TRPC6: variants seen among roughly 807,000 people sequenced by gnomAD.
TRPC6 encodes transient receptor potential cation channel subfamily C member 6, also known as short transient receptor potential channel 6.
A neutral mutation model predicts 90.7 loss-of-function variants in TRPC6; 55 were observed. The ratio of observed to expected loss-of-function variants is 0.61; its 90% CI spans 0.49 to 0.76. TRPC6 has a LOEUF of 0.76. Among genes scored for constraint, TRPC6 ranks in the 30% least tolerant of loss-of-function variants. The pLI is 0.00. For missense variants in TRPC6, 989 were observed against 1,122.7 expected (o/e 0.88, Z 1.70); for synonymous variants, 393 against 393.0 (o/e 1.00, Z 0.00).
intron 10 of TRPC6, among the ~76,000 whole-genome samples, chr11:101,466,975 G>GA (rs34792191): frequency 0.31 from 46,906 of 151,980 alleles, 9,426 homozygotes; most frequent in African/African-American, 0.57. Flanking sequence ...GGGTGGGGGA[G>GA]AAATTCCCCA....
intron 1 of TRPC6, among the ~76,000 whole-genome samples, chr11:101,552,886 T>A (rs10791500): frequency 0.13 from 19,172 of 152,096 alleles, 1,885 homozygotes; most frequent in East Asian, 0.54. Context: ...ACTGTCAAAC[T>A]TTATCCAGTG....
chr11:101,537,384 TA>T (rs1467239728), intron 1 of TRPC6, among the ~76,000 whole-genome samples: 3 of 152,178 alleles, frequency 2.0e-5, no homozygotes, highest in Admixed American at 6.5e-5. Flanking sequence ...AGAATGGGTT[TA>T]TTTTTTTTCT....
intron 1 of TRPC6, among the ~76,000 whole-genome samples, chr11:101,527,031 A>G (rs1434216613): frequency 6.6e-6 from 1 of 152,148 alleles, no homozygotes; most frequent in African/African-American, 2.4e-5. Flanking sequence ...ACAATTTCAA[A>G]AAATATTATA....
At chr11:101,569,639 G>A (rs575612398) in intron 1 of TRPC6, among the ~76,000 whole-genome samples, 4 of 152,206 alleles carry the variant, frequency 2.6e-5, no homozygotes, top group Non-Finnish European at 5.9e-5. Flanking sequence ...CTCAGCAAAT[G>A]CAAAAGAATG....
chr11:101,493,964 C>T (rs1191267375), intron 2 of TRPC6, among the ~76,000 whole-genome samples: 2 of 152,138 alleles, frequency 1.3e-5, no homozygotes, highest in South Asian at 2.1e-4. Context: ...TGCTAAACTG[C>T]AGGTCCAAAA....
chr11:101,500,367 C>T (rs1252262769), intron 2 of TRPC6, among the ~76,000 whole-genome samples: 1 of 151,846 alleles, frequency 6.6e-6, no homozygotes, highest in Admixed American at 6.6e-5. Flanking sequence ...TGCCATCATG[C>T]CCAGCTAATT....
At chr11:101,493,892 C>A (rs1317180258) in intron 2 of TRPC6, among the ~76,000 whole-genome samples, 1 of 152,150 alleles carries the variant, frequency 6.6e-6, no homozygotes, top group Non-Finnish European at 1.5e-5. Flanking sequence ...GGGCTCCTTT[C>A]TGTAAATTAT....
intron 10 of TRPC6, among the ~76,000 whole-genome samples, chr11:101,459,234 A>T (rs1023788976): frequency 1.3e-5 from 2 of 152,120 alleles, no homozygotes; most frequent in Admixed American, 6.5e-5. Context: ...TACCTATGAG[A>T]GATAAAGGGA....
chr11:101,474,472 A>G (rs1231848531), intron 6 of TRPC6, among the ~76,000 whole-genome samples: 1 of 152,184 alleles, frequency 6.6e-6, no homozygotes, highest in Non-Finnish European at 1.5e-5. Flanking sequence ...GGGGAAAAAC[A>G]TAATTACAAA....
intron 4 of TRPC6, among the ~76,000 whole-genome samples, chr11:101,483,998 A>G: frequency 6.6e-6 from 1 of 152,184 alleles, no homozygotes; most frequent in East Asian, 1.9e-4. Context: ...TGAAATGAAC[A>G]AAACTTAAGC....
At chr11:101,477,920 A>G (rs972495636) in intron 5 of TRPC6, among the ~76,000 whole-genome samples, 1 of 152,208 alleles carries the variant, frequency 6.6e-6, no homozygotes, top group East Asian at 1.9e-4. Flanking sequence ...CTTTATCCCT[A>G]TTAAGATACT....
At chr11:101,553,182 C>G (rs932824203) in intron 1 of TRPC6, among the ~76,000 whole-genome samples, 7 of 152,058 alleles carry the variant, frequency 4.6e-5, no homozygotes, top group African/African-American at 1.7e-4. Flanking sequence ...CCTGAGCCAG[C>G]TCTGATAAAT....
chr11:101,486,150 T>C (rs1231386048), intron 4 of TRPC6, among the ~76,000 whole-genome samples: 1 of 152,136 alleles, frequency 6.6e-6, no homozygotes, highest in Non-Finnish European at 1.5e-5. Flanking sequence ...GAAACTAAAA[T>C]GGGCATGTTT....
At chr11:101,535,049 C>T (rs1427587671) in intron 1 of TRPC6, among the ~76,000 whole-genome samples, 1 of 152,026 alleles carries the variant, frequency 6.6e-6, no homozygotes, top group Non-Finnish European at 1.5e-5. Flanking sequence ...GCCTCTAATC[C>T]CAACTACTCA....
At chr11:101,507,292 TAA>T (rs1277462533) in intron 1 of TRPC6, among the ~76,000 whole-genome samples, 15 of 151,874 alleles carry the variant, frequency 9.9e-5, no homozygotes, top group African/African-American at 3.1e-4. Flanking sequence ...TCCATCAATA[TAA>T]GTCTTATTTT....
chr11:101,563,000 C>A (rs1028048649), intron 1 of TRPC6, among the ~76,000 whole-genome samples: 2 of 152,186 alleles, frequency 1.3e-5, no homozygotes, highest in African/African-American at 4.8e-5. Context: ...TGCCAGTAAT[C>A]TGGAAAACTA....
chr11:101,470,858 G>A (rs956206067), intron 9 of TRPC6, among the ~76,000 whole-genome samples: 1 of 135,660 alleles, frequency 7.4e-6, no homozygotes, highest in Non-Finnish European at 1.5e-5. Flanking sequence ...TTACTGGGCT[G>A]TATAAATTGT....
At position 101,519,173 on chromosome 11, in the gene TRPC6, A is replaced by T. The variant is rs78928308; in HGVS notation, c.171-14375T>A. Among the ~76,000 whole-genome samples the T allele has an allele frequency of 6.1e-3, 931 of 152,276 alleles. 14 individuals carry two copies. Among genetic ancestry groups the T allele is most frequent in the African/African-American group, 0.021 (886 of 41,538 alleles). On this transcript the variant is annotated intron_variant, in intron 1 of 12. Coordinates refer to ENST00000344327, the MANE Select transcript of TRPC6 (RefSeq NM_004621.6). ...TCAATAATGACTTAACTGTGTATTT[A>T]AAAATAATGTGAAGAATGTAATTGA...
intron 4 of TRPC6, among the ~76,000 whole-genome samples, chr11:101,488,495 A>G (rs1339798602): frequency 6.6e-6 from 1 of 152,210 alleles, no homozygotes; most frequent in African/African-American, 2.4e-5. Context: ...TACAAGACAA[A>G]ACTTTCATCT....
Sources: gnomAD v4.1 joint callset for allele counts (sites outside exome capture counted in the v4.1 genomes callset) on GRCh38, gnomAD v4.1.1 for gene constraint, MANE v1.5 for transcripts, NCBI Gene and HGNC (gene_info 2026-07-23, HGNC 2026-07-21) for gene names.